EBF2: variants seen among roughly 807,000 people sequenced by gnomAD.
EBF2 encodes the protein transcription factor COE2.
A neutral mutation model predicts 72.8 loss-of-function variants in EBF2; 21 were observed. That is an observed-to-expected ratio of 0.29 (90% confidence interval 0.20 to 0.42). The LOEUF is 0.42. Ranked by LOEUF, EBF2 falls within the 10% of genes least tolerant of loss-of-function variation. The pLI is 1.00. For synonymous variants in EBF2, 299 were observed against 274.2 expected (o/e 1.09, Z -0.89); for missense variants, 637 against 731.2 (o/e 0.87, Z 1.49).
chr8:26,033,018 T>C (rs1805434620), intron 6 of EBF2, 67 bp downstream of exon 6: 14 of 1,414,952 alleles, frequency 9.9e-6, no homozygotes, highest in Non-Finnish European at 1.3e-5. Flanking sequence ...CATGGATCAG[T>C]ACTCAGAGTT....
rs1192368770 is a variant in EBF2, at chr8:26,040,886, G to A, written c.352+53C>T. 3.5e-5 allele frequency: 56 copies of A among 1,610,248 alleles called. No homozygotes were observed. The Middle Eastern group carries it at 1.2e-3, about 35-fold the overall frequency. On this transcript the variant is annotated intron_variant, in intron 3 of 15. Coordinates refer to ENST00000520164, the MANE Select transcript of EBF2 (RefSeq NM_022659.4). ...GATCATGGCAAGGTCAGCGCGTGCG[G>A]CCCGGAAGCCGGCTGCTAGGCGCCG...
At chr8:26,006,539 A>G (rs1471989099) in intron 6 of EBF2, among the ~76,000 whole-genome samples, 1 of 152,196 alleles carries the variant, frequency 6.6e-6, no homozygotes, top group Non-Finnish European at 1.5e-5. Flanking sequence ...CTGTGGCATT[A>G]TTCCTTATGA....
intron 6 of EBF2, among the ~76,000 whole-genome samples, chr8:25,979,402 T>C: frequency 6.6e-6 from 1 of 152,210 alleles, no homozygotes; most frequent in East Asian, 1.9e-4. Context: ...CACACGGCAT[T>C]CGGATCAGGA....
chr8:25,976,038 T>C (rs2117193915), intron 6 of EBF2, among the ~76,000 whole-genome samples: 1 of 152,316 alleles, frequency 6.6e-6, no homozygotes, highest in East Asian at 1.9e-4. Flanking sequence ...ATCCCTTCTG[T>C]AGAGTCAGAT....
At chr8:25,905,347 A>G (rs1158025862) in intron 7 of EBF2, among the ~76,000 whole-genome samples, 1 of 152,222 alleles carries the variant, frequency 6.6e-6, no homozygotes, top group African/African-American at 2.4e-5. Flanking sequence ...TTGTATACCC[A>G]AGAGAATTAA....
chr8:26,008,179 T>G (rs992053167), intron 6 of EBF2, among the ~76,000 whole-genome samples: 1 of 152,054 alleles, frequency 6.6e-6, no homozygotes, highest in African/African-American at 2.4e-5. Flanking sequence ...TCCCAAGCAG[T>G]ATTTACAGCA....
At chr8:25,875,363 C>T (rs1802505657) in intron 10 of EBF2, among the ~76,000 whole-genome samples, 1 of 152,154 alleles carries the variant, frequency 6.6e-6, no homozygotes, top group South Asian at 2.1e-4. Flanking sequence ...AGAAAAATGG[C>T]ACAAAGAAAA....
chr8:25,873,966 T>C (rs1802479886), intron 10 of EBF2, among the ~76,000 whole-genome samples: 1 of 152,192 alleles, frequency 6.6e-6, no homozygotes, highest in Non-Finnish European at 1.5e-5. Context: ...AGCTGAATGA[T>C]GTATCTGAAT....
At chr8:26,007,908 A>AT (rs1182973112) in intron 6 of EBF2, among the ~76,000 whole-genome samples, 1 of 152,104 alleles carries the variant, frequency 6.6e-6, no homozygotes, top group African/African-American at 2.4e-5. Context: ...CCTAAAAAAA[A>AT]AAAAATAATA....
At chr8:26,023,727 A>G (rs6557873) in intron 6 of EBF2, among the ~76,000 whole-genome samples, 147,460 of 152,230 alleles carry the variant, frequency 0.97, 71,430 homozygotes, top group East Asian at 1. Flanking sequence ...CAAAGAAGAC[A>G]CGTACTCATG....
At chr8:25,889,229 T>C (rs1802738438) in intron 8 of EBF2, among the ~76,000 whole-genome samples, 1 of 152,214 alleles carries the variant, frequency 6.6e-6, no homozygotes, top group Non-Finnish European at 1.5e-5. Flanking sequence ...TTCATCGATA[T>C]ACTTTAATTT....
At chr8:26,006,340 A>ATC (rs1274070118) in intron 6 of EBF2, among the ~76,000 whole-genome samples, 1 of 152,158 alleles carries the variant, frequency 6.6e-6, no homozygotes, top group African/African-American at 2.4e-5. Context: ...TTTTCACCAA[A>ATC]CATTTATTTT....
chr8:25,930,017 A>G (rs977988150), intron 6 of EBF2, among the ~76,000 whole-genome samples: 2 of 152,240 alleles, frequency 1.3e-5, no homozygotes, highest in African/African-American at 2.4e-5. Flanking sequence ...TGAATTTTCT[A>G]TAATTACTTC....
At position 25,851,700 on chromosome 8, in the gene EBF2, G is replaced by A. The variant is rs185093078; in HGVS notation, c.1529-939C>T. The stretch of plus-strand genomic sequence containing the variant: ...GAATTCTGAACTGTCCAAGTCACAT[G>A]ACTTGACAAAAGTGTTGTTGGAGCC... On this transcript the variant is annotated intron_variant, in intron 14 of 15. Coordinates refer to ENST00000520164, the MANE Select transcript of EBF2 (RefSeq NM_022659.4). Among the ~76,000 whole-genome samples, 14 of 152,272 alleles carry A rather than the reference G, an allele frequency of 9.2e-5. No individual in the cohort carries two copies. The East Asian group carries it at 2.7e-3, about 29-fold the overall frequency.
rs1332216922 is a variant in EBF2, at chr8:25,998,207, C to G, written c.551+34878G>C. Among the ~76,000 whole-genome samples the G allele has an allele frequency of 2.6e-5, 4 of 152,268 alleles. No homozygotes were observed. The East Asian group carries it at 7.7e-4, about 29-fold the overall frequency. ...TACAAAATAAGGGCAAGACATAATT[C>G]TACAAGCAAGCTCACAGTGTCATGA... On this transcript the variant is annotated intron_variant, in intron 6 of 15. Coordinates refer to ENST00000520164, the MANE Select transcript of EBF2 (RefSeq NM_022659.4).
At position 25,988,713 on chromosome 8, in the gene EBF2, A is replaced by G. The variant is rs542631247; in HGVS notation, c.551+44372T>C. ...TTTTACATTTTGCATAATATTTTCT[A>G]TTTTACGAAATGCTTTATCAGATAC... On this transcript the variant is annotated intron_variant, in intron 6 of 15. Transcript: ENST00000520164. Among the ~76,000 whole-genome samples the G allele has an allele frequency of 2.0e-5, 3 of 152,336 alleles. No homozygotes were observed. The South Asian group carries it at 6.2e-4, about 32-fold the overall frequency.
Position 25,900,540 on chromosome 8 carries a change from C to T in EBF2, c.633+7934G>A, listed in dbSNP as rs75931309. Among the ~76,000 whole-genome samples, 39 of 152,206 alleles carry T rather than the reference C, an allele frequency of 2.6e-4. No homozygotes were observed. The East Asian group carries it at 7.5e-3, about 29-fold the overall frequency. ...TTGAGGCCAAGGATGACACGACCTG[C>T]ACATATATCTCAGTCTTCTCCCTAG... On this transcript the variant is annotated intron_variant, in intron 7 of 15. Coordinates refer to ENST00000520164, the MANE Select transcript of EBF2 (RefSeq NM_022659.4).
intron 6 of EBF2, among the ~76,000 whole-genome samples, chr8:26,004,428 A>G (rs1804792754): frequency 6.6e-6 from 1 of 152,180 alleles, no homozygotes; most frequent in South Asian, 2.1e-4. Context: ...TAATTCCAAC[A>G]TTTTGGGAGG....
chr8:25,983,973 G>A (rs981673376), intron 6 of EBF2, among the ~76,000 whole-genome samples: 3 of 152,244 alleles, frequency 2.0e-5, no homozygotes, highest in African/African-American at 7.2e-5. Flanking sequence ...CTTTAGCAGT[G>A]GATAGCAGCA....
Sources: gnomAD v4.1 joint callset for allele counts (sites outside exome capture counted in the v4.1 genomes callset) on GRCh38, gnomAD v4.1.1 for gene constraint, MANE v1.5 for transcripts, NCBI Gene and HGNC (gene_info 2026-07-23, HGNC 2026-07-21) for gene names.